Variants in CDKL4 observed in about 807,000 individuals in gnomAD.
CDKL4 encodes the protein cyclin dependent kinase like 4, also known as cyclin-dependent kinase-like 4.
In CDKL4, 44 loss-of-function variants were observed where a neutral mutation model predicts 42.0. The ratio of observed to expected loss-of-function variants is 1.05; its 90% CI spans 0.82 to 1.35. The LOEUF is 1.35. Ranked by LOEUF, CDKL4 falls within the 40% of genes most tolerant of loss-of-function variation. The pLI, the probability that CDKL4 is intolerant of heterozygous loss-of-function variation, is 0.00. For synonymous variants in CDKL4, 120 were observed against 121.6 expected (o/e 0.99, Z 0.09); for missense variants, 393 against 369.9 (o/e 1.06, Z -0.51).
rs116345894 is a variant in CDKL4 at position 39,213,077 on chromosome 2, C to T, written c.363+323G>A. On this transcript the variant is annotated intron_variant, in intron 4 of 9. Coordinates refer to ENST00000451199, the Ensembl canonical transcript of CDKL4. ...TTCATAAGGAATTAGCAATTTGATT[C>T]TTACAGAAATTGGAAAGAGCCATGA... is the stretch of plus-strand genomic sequence containing the variant. Among the ~76,000 whole-genome samples the T allele has an allele frequency of 7.3e-3, 1,109 of 152,180 alleles. 12 individuals carry two copies. Among genetic ancestry groups the T allele is most frequent in the African/African-American group, 0.026 (1,064 of 41,466 alleles).
upstream of CDKL4, among the ~76,000 whole-genome samples, chr2:39,246,234 T>G (rs1679908209): frequency 1.3e-5 from 2 of 152,356 alleles, no homozygotes; most frequent in South Asian, 4.1e-4. Context: ...ATCTCCCATC[T>G]TTAACAAACA....
intron 8 of CDKL4, among the ~76,000 whole-genome samples, chr2:39,180,748 T>C (rs887120028): frequency 1.3e-5 from 2 of 150,108 alleles, no homozygotes; most frequent in East Asian, 2.0e-4. Context: ...TGGAATGCAG[T>C]AGCGCCACCT....
chr2:39,215,889 G>T (rs1445192473), intron 3 of CDKL4, among the ~76,000 whole-genome samples: 1 of 152,194 alleles, frequency 6.6e-6, no homozygotes, highest in Non-Finnish European at 1.5e-5. Context: ...TAATTTTCAT[G>T]ATTAAATCCC....
At chr2:39,233,063 AG>A (rs748550921) in intron 1 of CDKL4, among the ~76,000 whole-genome samples, 17 of 50,510 alleles carry the variant, frequency 3.4e-4, no homozygotes, top group Middle Eastern at 8.5e-3. Flanking sequence ...AAAAAAAAAA[AG>A]AAAGAAAGAA....
At chr2:39,194,802 T>C (rs970497914) in intron 5 of CDKL4, among the ~76,000 whole-genome samples, 1 of 152,218 alleles carries the variant, frequency 6.6e-6, no homozygotes, top group African/African-American at 2.4e-5. Context: ...AAATTTATTT[T>C]GTGGTAAAAT....
chr2:39,194,799 T>C (rs1341101683), intron 5 of CDKL4, among the ~76,000 whole-genome samples: 1 of 152,218 alleles, frequency 6.6e-6, no homozygotes, highest in South Asian at 2.1e-4. Flanking sequence ...CTTAAATTTA[T>C]TTTGTGGTAA....
At position 39,226,118 on chromosome 2, in the gene CDKL4, C is replaced by T. The variant is rs577042383; in HGVS notation, c.169-158G>A. Among the ~76,000 whole-genome samples, 3 of 151,844 alleles carry T rather than the reference C, an allele frequency of 2.0e-5. No homozygotes were observed. The South Asian group carries it at 6.2e-4, about 32-fold the overall frequency. ...ATTGCTTGAATCTCTCTGGTGATAG[C>T]AAGTAAAGTATGTAACTTAAAATAC... On this transcript the variant is annotated intron_variant, in intron 2 of 9. Coordinates refer to ENST00000451199, the Ensembl canonical transcript of CDKL4.
chr2:39,191,291 T>C (rs1422828866), intron 5 of CDKL4, among the ~76,000 whole-genome samples: 3 of 152,002 alleles, frequency 2.0e-5, no homozygotes, highest in Non-Finnish European at 4.4e-5. Flanking sequence ...CCTAGCTACT[T>C]GAGAAGCTGA....
At chr2:39,180,194 C>T (rs761666457) in intron 8 of CDKL4, among the ~76,000 whole-genome samples, 8 of 152,198 alleles carry the variant, frequency 5.3e-5, no homozygotes, top group Non-Finnish European at 1.2e-4. Flanking sequence ...GCCTGGGTAA[C>T]ATAGTGAGAC....
At chr2:39,235,989 ATTT>A (rs1679349779) in intron 1 of CDKL4, among the ~76,000 whole-genome samples, 2 of 152,148 alleles carry the variant, frequency 1.3e-5, no homozygotes, top group Admixed American at 1.3e-4. Flanking sequence ...CAGATGTTGG[ATTT>A]AGCTGACAGT....
chr2:39,235,017 T>C (rs1254431404), intron 1 of CDKL4, among the ~76,000 whole-genome samples: 1 of 152,060 alleles, frequency 6.6e-6, no homozygotes, highest in Non-Finnish European at 1.5e-5. Flanking sequence ...GCCTCCCAAG[T>C]AGCTGGGACC....
intron 4 of CDKL4, among the ~76,000 whole-genome samples, chr2:39,205,864 C>T (rs867287162): frequency 1.3e-5 from 2 of 151,626 alleles, no homozygotes; most frequent in Non-Finnish European, 2.9e-5. Flanking sequence ...CGAGCTGGGG[C>T]GCACAGTCCC....
intron 9 of CDKL4, among the ~76,000 whole-genome samples, chr2:39,177,849 C>G (rs547291706): frequency 1.1e-4 from 16 of 146,128 alleles, no homozygotes; most frequent in Non-Finnish European, 2.4e-4. Flanking sequence ...CCACCACACC[C>G]GGCTAATTTT....
rs1678166821 is a variant in CDKL4 at position 39,219,427 on chromosome 2, A to ATTTT, written c.291-5956_291-5955insAAAA. 4.0e-5 allele frequency among the ~76,000 whole-genome samples: 6 copies of ATTTT among 149,256 alleles called. No homozygotes were observed. In the South Asian group the frequency reaches 8.4e-4, roughly 21 times the overall value. On this transcript the variant is annotated intron_variant, in intron 3 of 9. Transcript: ENST00000451199. The stretch of plus-strand genomic sequence containing the variant: ...TACTTATTTATTTATTTATTTATTT[A>ATTTT]TTTATTTTTTTGAGACAGAGTCTCG...
chr2:39,238,591 T>C (rs892307726), intron 1 of CDKL4, among the ~76,000 whole-genome samples: 1 of 152,188 alleles, frequency 6.6e-6, no homozygotes, highest in East Asian at 1.9e-4. Flanking sequence ...AGAATATTTA[T>C]ATTAAAAATT....
intron 3 of CDKL4, 97 bp from the exon 4 acceptor site, chr2:39,213,569 T>G (rs1677716687): frequency 2.9e-6 from 2 of 693,326 alleles, no homozygotes; most frequent in African/African-American, 1.8e-5. Context: ...GACTGTCCTC[T>G]TCAAGGAACA....
chr2:39,204,653 T>C, intron 4 of CDKL4, 36 bp from the exon 5 acceptor site: 1 of 1,167,000 alleles, frequency 8.6e-7, no homozygotes, highest in Non-Finnish European at 1.3e-6. Flanking sequence ...TTCTGAACCA[T>C]CAAAATGACA....
chr2:39,217,819 C>T (rs58978999), intron 3 of CDKL4, among the ~76,000 whole-genome samples: 4,537 of 152,104 alleles, frequency 0.03, 226 homozygotes, highest in African/African-American at 0.1. Context: ...CCGCAACCTC[C>T]GCCTCCTGGG....
intron 2 of CDKL4, among the ~76,000 whole-genome samples, chr2:39,226,571 C>T (rs996539109): frequency 5.3e-5 from 8 of 150,584 alleles, no homozygotes; most frequent in South Asian, 2.1e-4. Flanking sequence ...CCCAAACTGA[C>T]GCATTTCACA....
Sources: allele counts gnomAD v4.1 joint callset (sites outside exome capture counted in the v4.1 genomes callset), GRCh38; gene constraint gnomAD v4.1.1; transcripts MANE v1.5; gene names NCBI Gene and HGNC (gene_info 2026-07-23, HGNC 2026-07-21).